Variants in ADAMTSL3 observed in about 807,000 individuals in gnomAD.
ADAMTSL3 encodes the protein ADAMTS-like protein 3.
Under a neutral mutation model 201.7 loss-of-function variants are expected in ADAMTSL3, and 128 were observed. The ratio of observed to expected loss-of-function variants is 0.63; its 90% CI spans 0.55 to 0.73. The LOEUF (loss-of-function observed/expected upper bound fraction) is 0.73. Ranked by LOEUF, ADAMTSL3 falls within the 30% of genes least tolerant of loss-of-function variation. The probability of loss-of-function intolerance (pLI) is 0.00; values close to 1 mark genes in which losing one functional copy is unlikely to be tolerated. For missense variants in ADAMTSL3, 1,990 were observed against 2,119.6 expected (o/e 0.94, Z 1.20); for synonymous variants, 738 against 748.4 (o/e 0.99, Z 0.23).
chr15:83,721,101 C>T (rs2062094682), intron 3 of ADAMTSL3, among the ~76,000 whole-genome samples: 1 of 152,124 alleles, frequency 6.6e-6, no homozygotes, highest in African/African-American at 2.4e-5. Flanking sequence ...GCTTAGTTAG[C>T]AATTTTTTAT....
intron 2 of ADAMTSL3, among the ~76,000 whole-genome samples, chr15:83,685,210 G>A (rs923606934): frequency 6.0e-5 from 9 of 151,066 alleles, no homozygotes; most frequent in African/African-American, 2.2e-4. Flanking sequence ...TAGTTTATTT[G>A]TACACATCAT....
At position 84,028,187 on chromosome 15, in the gene ADAMTSL3, A is replaced by G. The variant is rs1021107618; in HGVS notation, c.4656+2751A>G. ...AAATTGATTATGGTAAAGGTTATAC[A>G]ACTCTAAATTCCGTTAACATTCGAT... On this transcript the variant is annotated intron_variant, in intron 27 of 29. Coordinates refer to ENST00000286744, the MANE Select transcript of ADAMTSL3 (RefSeq NM_207517.3). Among the ~76,000 whole-genome samples the G allele has an allele frequency of 3.3e-5, 5 of 152,236 alleles. No individual in the cohort carries two copies. The East Asian group carries it at 9.6e-4, about 29-fold the overall frequency.
intron 23 of ADAMTSL3, among the ~76,000 whole-genome samples, chr15:84,001,351 A>AC (rs990981690): frequency 6.6e-6 from 1 of 152,192 alleles, no homozygotes; most frequent in African/African-American, 2.4e-5. Flanking sequence ...ATGTTGGAAA[A>AC]CCATCAAAGC....
intron 6 of ADAMTSL3, among the ~76,000 whole-genome samples, chr15:83,829,600 T>C (rs2064108725): frequency 6.6e-6 from 1 of 152,204 alleles, no homozygotes; most frequent in Non-Finnish European, 1.5e-5. Flanking sequence ...GCTTCTCTAG[T>C]TCTTTTAATT....
At chr15:83,901,540 T>C (rs1284486101) in intron 15 of ADAMTSL3, among the ~76,000 whole-genome samples, 1 of 152,124 alleles carries the variant, frequency 6.6e-6, no homozygotes, top group Non-Finnish European at 1.5e-5. Flanking sequence ...CAGAAATAAA[T>C]TTCCAAAAAA....
intron 7 of ADAMTSL3, among the ~76,000 whole-genome samples, chr15:83,842,561 A>G (rs753232129): frequency 5.3e-5 from 8 of 152,192 alleles, no homozygotes; most frequent in South Asian, 2.1e-4. Flanking sequence ...GCCCCTTTCA[A>G]TACCTCTTAC....
chr15:83,691,452 C>A (rs996161066), intron 2 of ADAMTSL3, among the ~76,000 whole-genome samples: 4 of 152,200 alleles, frequency 2.6e-5, no homozygotes, highest in African/African-American at 9.6e-5. Context: ...GGGCTCCCAA[C>A]TGCAAGCCTG....
At chr15:83,749,138 C>T (rs1340093052) in intron 3 of ADAMTSL3, among the ~76,000 whole-genome samples, 1 of 152,142 alleles carries the variant, frequency 6.6e-6, no homozygotes, top group Non-Finnish European at 1.5e-5. Context: ...CTAAGTTAGA[C>T]CCCTGCTTTG....
At chr15:83,801,881 A>T (rs574179556) in intron 4 of ADAMTSL3, among the ~76,000 whole-genome samples, 358 of 151,462 alleles carry the variant, frequency 2.4e-3, no homozygotes, top group Non-Finnish European at 3.8e-3. Flanking sequence ...CACCATTTTC[A>T]GTAAAGACTG....
rs147158934 is a variant in ADAMTSL3, at chr15:84,032,446, G to A, written c.4754+1014G>A. On this transcript the variant is annotated intron_variant, in intron 28 of 29. Transcript: ENST00000286744. ...TCCTCAAATGGAAAATGTTTGGAAC[G>A]GCTGCTCTCATTCTCAACAGACAAC... Among the ~76,000 whole-genome samples, 26 of 152,256 alleles carry A rather than the reference G, an allele frequency of 1.7e-4. No homozygotes were observed. In the East Asian group the frequency reaches 3.1e-3, roughly 18 times the overall value.
At chr15:83,750,940 C>T (rs955483984) in intron 3 of ADAMTSL3, among the ~76,000 whole-genome samples, 5 of 152,116 alleles carry the variant, frequency 3.3e-5, no homozygotes, top group Admixed American at 6.5e-5. Flanking sequence ...TGCATTTGTT[C>T]GTCCATTAAC....
In ADAMTSL3 at chr15:83,897,069, A is replaced by T. The variant is rs151297501; in HGVS notation, c.1468-789A>T. On this transcript the variant is annotated intron_variant, in intron 13 of 29. Coordinates refer to ENST00000286744, the MANE Select transcript of ADAMTSL3 (RefSeq NM_207517.3). ...GTCCCTCCCATGACAAGTGGGGATT[A>T]TGGGGATTACAATTCAAGATGAGAT... 8.6e-3 allele frequency among the ~76,000 whole-genome samples: 1,311 copies of T among 152,284 alleles called. 15 individuals are homozygous for T. Among genetic ancestry groups the T allele is most frequent in the African/African-American group, 0.029 (1,223 of 41,552 alleles).
Position 83,942,760 on chromosome 15 carries a change from C to G in ADAMTSL3, c.2282C>G (p.Pro761Arg). 3 of 1,613,754 alleles carry G rather than the reference C, an allele frequency of 1.9e-6. No homozygotes were observed. The highest frequency in any genetic ancestry group is 2.5e-6 in the Non-Finnish European group (3 of 1,179,892). Residue 761 changes from proline to arginine, a missense_variant, in exon 18 of 30, where the codon CCT becomes CGT. Pro to Arg is a moderately radical substitution (Grantham distance 103). Coordinates refer to ENST00000286744, the MANE Select transcript of ADAMTSL3 (RefSeq NM_207517.3). ...LQACNQFDCP[P>R]GWHIEEWQQC... is the part of the protein sequence containing the mutation. Reference sequence around the variant, plus strand: ...GCATGCAATCAGTTTGACTGCCCTCCTGGCTGGCACATTGAAGAATGGCAG... The same window carrying G: ...GCATGCAATCAGTTTGACTGCCCTCGTGGCTGGCACATTGAAGAATGGCAG...
At chr15:83,847,433 C>T (rs1479426970) in intron 7 of ADAMTSL3, among the ~76,000 whole-genome samples, 1 of 151,902 alleles carries the variant, frequency 6.6e-6, no homozygotes, top group East Asian at 1.9e-4. Flanking sequence ...TGAAGCAAAC[C>T]TTACTATCCT....
intron 19 of ADAMTSL3, among the ~76,000 whole-genome samples, chr15:83,960,312 A>G (rs2066942757): frequency 6.6e-6 from 1 of 152,156 alleles, no homozygotes; most frequent in African/African-American, 2.4e-5. Flanking sequence ...CCACAATCCC[A>G]AACTATAAAT....
chr15:83,699,284 G>A (rs2061733216), intron 2 of ADAMTSL3, among the ~76,000 whole-genome samples: 1 of 152,074 alleles, frequency 6.6e-6, no homozygotes, highest in Non-Finnish European at 1.5e-5. Context: ...CAGAACTGTT[G>A]ACTCTATCCT....
At chr15:83,967,824 C>G (rs1351167223) in intron 19 of ADAMTSL3, among the ~76,000 whole-genome samples, 2 of 152,060 alleles carry the variant, frequency 1.3e-5, no homozygotes, top group East Asian at 1.9e-4. Context: ...GGTACTGGTA[C>G]CAAAACAGAT....
chr15:83,679,292 A>T (rs1006860170), intron 2 of ADAMTSL3, among the ~76,000 whole-genome samples: 2 of 152,142 alleles, frequency 1.3e-5, no homozygotes, highest in African/African-American at 2.4e-5. Context: ...CTGCTTTAAC[A>T]TCATTGGCAG....
intron 3 of ADAMTSL3, among the ~76,000 whole-genome samples, chr15:83,761,150 T>C (rs1273632562): frequency 2.6e-5 from 4 of 152,138 alleles, no homozygotes; most frequent in Non-Finnish European, 5.9e-5. Flanking sequence ...TAGTGGTAAC[T>C]CTAGAGCTTA....
Sources: gnomAD v4.1 joint callset for allele counts (sites outside exome capture counted in the v4.1 genomes callset) on GRCh38, gnomAD v4.1.1 for gene constraint, MANE v1.5 for transcripts, NCBI Gene and HGNC (gene_info 2026-07-23, HGNC 2026-07-21) for gene names.